Variants in TIAL1 observed in about 807,000 individuals in gnomAD.
TIAL1 encodes the protein nucleolysin TIAR.
TIAL1 carries 7 observed loss-of-function variants against 59.7 expected under a neutral mutation model. The observed-to-expected ratio is 0.12, with a 90% CI of 0.07 to 0.22. The LOEUF (loss-of-function observed/expected upper bound fraction) is 0.22. TIAL1 is among the 10% of genes least tolerant of loss of function. The pLI is 1.00. For synonymous variants in TIAL1, 149 were observed against 146.3 expected (o/e 1.02, Z -0.13); for missense variants, 225 against 462.5 (o/e 0.49, Z 4.71).
chr10:119,595,775 T>A (rs1025974716), intron 1 of TIAL1, among the ~76,000 whole-genome samples: 20 of 152,274 alleles, frequency 1.3e-4, no homozygotes, highest in South Asian at 8.3e-4. Flanking sequence ...AAAGTAAACT[T>A]CTTTATCCAA....
Position 119,582,540 on chromosome 10 carries a change from T to C in TIAL1, c.147A>G (p.Pro49=). ...GTTCATAAAATTCCACAAAGCAATA[T>C]GGGTCATTGCTTGTATGCTGCAAAA... ...KMITEHTSND[P]YCFVEFYEHR... Residue 49 remains proline, a synonymous_variant, in exon 3 of 12, where the codon CCA becomes CCG. Transcript: ENST00000436547. The surrounding 1 kb of genome is among the most constrained non-coding windows in gnomAD (Gnocchi z 5.1). 3 of 1,612,714 alleles carry C rather than the reference T, an allele frequency of 1.9e-6. No homozygotes were observed. The highest frequency in any genetic ancestry group is 1.3e-5 in the African/African-American group (1 of 74,992).
intron 5 of TIAL1, 58 bp from the exon 6 acceptor site, chr10:119,580,068 T>C: frequency 7.2e-7 from 1 of 1,392,036 alleles, no homozygotes; most frequent in Non-Finnish European, 1.0e-6. Flanking sequence ...AAATAAAAAC[T>C]AAAAGGAACC....
intron 1 of TIAL1, among the ~76,000 whole-genome samples, chr10:119,594,725 A>G (rs532672727): frequency 6.6e-6 from 1 of 152,258 alleles, no homozygotes; most frequent in Non-Finnish European, 1.5e-5. Flanking sequence ...CCTGGGTTCA[A>G]GTGATTCTCC....
At chr10:119,585,583 T>A (rs1332415647) in intron 2 of TIAL1, among the ~76,000 whole-genome samples, 1 of 152,160 alleles carries the variant, frequency 6.6e-6, no homozygotes, top group African/African-American at 2.4e-5. Flanking sequence ...TTCTAGAATA[T>A]GGATGTTATG....
At chr10:119,595,968 G>C (rs1846157994) in intron 1 of TIAL1, among the ~76,000 whole-genome samples, 1 of 151,906 alleles carries the variant, frequency 6.6e-6, no homozygotes, top group Admixed American at 6.5e-5. Context: ...AGCTGGGAGC[G>C]ACTCGAGCTG....
At position 119,577,434 on chromosome 10, in the gene TIAL1, T is replaced by C. The variant is rs370290592; in HGVS notation, c.737+17A>G. ...TCAAATATAAGAGTAATAATGATAT[T>C]TCAAGTAGAGTGTTACCTGACAAAT... On this transcript the variant is annotated intron_variant, in intron 9 of 11. Transcript: ENST00000436547. The C allele has an allele frequency of 3.5e-5, 55 of 1,592,990 alleles. No homozygotes were observed. The African/African-American group carries it at 5.8e-4, about 17-fold the overall frequency.
In TIAL1 at chr10:119,577,551, T is replaced by A; in HGVS notation, c.653-16A>T. Reference sequence around the variant, plus strand: ...ATAAGCTGATCTATAAAACAAAACATACAAATAAAACATGGCTGATGTGTA... The same window carrying A: ...ATAAGCTGATCTATAAAACAAAACAAACAAATAAAACATGGCTGATGTGTA... On this transcript the variant is annotated splice_polypyrimidine_tract_variant and intron_variant, in intron 8 of 11. Coordinates refer to ENST00000436547, the MANE Select transcript of TIAL1 (RefSeq NM_003252.4). The A allele has an allele frequency of 1.2e-6, 2 of 1,611,762 alleles. No homozygotes were observed. The highest frequency in any genetic ancestry group is 1.7e-6 in the Non-Finnish European group (2 of 1,178,054).
At chr10:119,578,211 C>T (rs1397527744) in intron 7 of TIAL1, among the ~76,000 whole-genome samples, 84 of 104,540 alleles carry the variant, frequency 8.0e-4, no homozygotes, top group African/African-American at 3.3e-3. Flanking sequence ...GGTGACAGAG[C>T]GAGACTCCAC....
chr10:119,577,402 G>A (rs1192602435), intron 9 of TIAL1, 49 bp downstream of exon 9: 4 of 1,544,534 alleles, frequency 2.6e-6, no homozygotes, highest in Non-Finnish European at 3.5e-6. Context: ...TAAGTGAAAG[G>A]AATGAATCAA....
At position 119,582,692 on chromosome 10, in the gene TIAL1, CT is replaced by C; in HGVS notation, c.130-136del. 7.3e-7 allele frequency: 1 copy of C among 1,370,462 alleles called. No individual in the cohort carries two copies. The highest frequency in any genetic ancestry group is 9.6e-7 in the Non-Finnish European group (1 of 1,041,010). The allele number at this position is 1,370,462 out of a possible 1,614,324, so 84.9% of individuals were successfully genotyped here. On this transcript the variant is annotated intron_variant, in intron 2 of 11. Transcript: ENST00000436547. The surrounding 1 kb of genome is among the most constrained non-coding windows in gnomAD (Gnocchi z 5.1). ...TGCATAAGCTTATGAAAGCCTAACA[CT>C]TTTTAAATAAGATTTAAAGCTAAAC...
intron 2 of TIAL1, among the ~76,000 whole-genome samples, chr10:119,587,095 A>G (rs1449308756): frequency 6.6e-6 from 1 of 152,234 alleles, no homozygotes; most frequent in Non-Finnish European, 1.5e-5. Context: ...GATTGTCATT[A>G]CTTGGGAAAG....
chr10:119,578,203 TG>T (rs1554863753), intron 7 of TIAL1, among the ~76,000 whole-genome samples: 4 of 105,992 alleles, frequency 3.8e-5, no homozygotes, highest in African/African-American at 7.7e-5. Context: ...CCAGCCTGGG[TG>T]ACAGAGCGAG....
Position 119,576,647 on chromosome 10 carries a change from T to A in TIAL1, c.965A>T (p.Tyr322Phe). Residue 322 changes from tyrosine to phenylalanine, a missense_variant, in exon 11 of 12, where the codon TAC (tyrosine) becomes TTC (phenylalanine). Coordinates refer to ENST00000436547, the MANE Select transcript of TIAL1 (RefSeq NM_003252.4). ...TCCTTGTTGATTCCATGGTTGCCCG[T>A]ATACTCCATAAGGCGGTACTTGCCA... The part of the protein sequence containing the change: ...NGWQVPPYGV[Y>F]GQPWNQQGFG... 5.0e-6 allele frequency: 8 copies of A among 1,614,176 alleles called. No individual in the cohort carries two copies. The highest frequency in any genetic ancestry group is 6.8e-6 in the Non-Finnish European group (8 of 1,180,022).
intron 6 of TIAL1, among the ~76,000 whole-genome samples, chr10:119,579,318 A>T (rs1379417158): frequency 6.6e-6 from 1 of 152,180 alleles, no homozygotes; most frequent in East Asian, 1.9e-4. Context: ...AGCCTGGGCA[A>T]CAGAGCGAGA....
At chr10:119,585,225 T>C (rs2133981146) in intron 2 of TIAL1, among the ~76,000 whole-genome samples, 1 of 151,996 alleles carries the variant, frequency 6.6e-6, no homozygotes, top group East Asian at 1.9e-4. Flanking sequence ...GGAGGATCAC[T>C]TGAGCCTAGG....
chr10:119,593,082 C>A (rs1845972222), intron 1 of TIAL1, among the ~76,000 whole-genome samples: 1 of 152,256 alleles, frequency 6.6e-6, no homozygotes, highest in South Asian at 2.1e-4. Flanking sequence ...AAATAAGCTA[C>A]AATAAAACAC....
chr10:119,576,664 T>C lies in TIAL1; in HGVS notation c.948A>G (p.Val316=), dbSNP rs1845009355. ...GTTGCCCGTATACTCCATAAGGCGG[T>C]ACTTGCCACCCATTTGCCATATACT... ...YGQYMANGWQ[V]PPYGVYGQPW... Residue 316 remains valine (V), a synonymous_variant, in exon 11 of 12, where the codon GTA becomes GTG. Coordinates refer to ENST00000436547, the MANE Select transcript of TIAL1 (RefSeq NM_003252.4). 6.2e-7 allele frequency: 1 copy of C among 1,614,214 alleles called. No homozygotes were observed. Among genetic ancestry groups the C allele is most frequent in the African/African-American group, 1.3e-5 (1 of 75,060 alleles).
intron 2 of TIAL1, among the ~76,000 whole-genome samples, chr10:119,587,829 C>T (rs1845647498): frequency 6.6e-6 from 1 of 152,158 alleles, no homozygotes; most frequent in African/African-American, 2.4e-5. Flanking sequence ...CTGTCTAAAT[C>T]GTTAACATTC....
chr10:119,582,251 A>G lies in TIAL1; in HGVS notation c.229-28T>C. The G allele has an allele frequency of 6.5e-7, 1 of 1,547,894 alleles. No individual in the cohort carries two copies. The highest frequency in any genetic ancestry group is 2.3e-5 in the East Asian group (1 of 43,532). On this transcript the variant is annotated intron_variant, in intron 3 of 11. Coordinates refer to ENST00000436547, the MANE Select transcript of TIAL1 (RefSeq NM_003252.4). This position sits in a 1 kb window ranked among gnomAD's most constrained non-coding sequence, Gnocchi z 5.1. Reference sequence around the variant, plus strand: ...AAAAATAAAGATTATATTTAATAAAATTATTAGGCATGTCATGAGTTACAA... The same window carrying G: ...AAAAATAAAGATTATATTTAATAAAGTTATTAGGCATGTCATGAGTTACAA...
Sources: gnomAD v4.1 joint callset for allele counts (sites outside exome capture counted in the v4.1 genomes callset) on GRCh38, gnomAD v4.1.1 for gene constraint, Gnocchi (gnomAD v3.1) non-coding constraint, MANE v1.5 for transcripts, NCBI Gene and HGNC (gene_info 2026-07-23, HGNC 2026-07-21) for gene names.